The following SCPEP1 variants were observed in gnomAD, a reference collection of about 807,000 sequenced individuals.
SCPEP1 encodes retinoid-inducible serine carboxypeptidase.
A neutral mutation model predicts 63.8 loss-of-function variants in SCPEP1; 51 were observed. That is an observed-to-expected ratio of 0.80 (90% CI 0.64 to 1.01). The LOEUF (loss-of-function observed/expected upper bound fraction) is 1.01. SCPEP1 is among the 50% of genes least tolerant of loss of function. The probability of loss-of-function intolerance (pLI) is 0.00; values close to 1 mark genes in which losing one functional copy is unlikely to be tolerated. For synonymous variants in SCPEP1, 204 were observed against 207.8 expected, an observed-to-expected ratio of 0.98 and a Z score of 0.16; for missense variants, 499 against 554.9, an observed-to-expected ratio of 0.90 and a Z score of 1.01.
At position 56,996,989 on chromosome 17, in the gene SCPEP1, A is replaced by G. The variant is rs1454082464; in HGVS notation, c.814A>G (p.Ile272Val). The G allele has an allele frequency of 1.2e-6, 2 of 1,609,986 alleles. No homozygotes were observed. Among genetic ancestry groups the G allele is most frequent in the Non-Finnish European group, 1.7e-6 (2 of 1,178,096 alleles). Residue 272 changes from isoleucine (I) to valine (V), a missense_variant, in exon 9 of 13, where the codon ATC becomes GTC. By Grantham distance (29) the Ile-to-Val change is conservative. Coordinates refer to ENST00000262288, the MANE Select transcript of SCPEP1 (RefSeq NM_021626.3). The stretch of plus-strand genomic sequence containing the variant: ...CACAGATGGGGTGAACTTCTATAAC[A>G]TCTTAACTAAAAGCACTCCCACGTC... ...QNTDGVNFYN[I>V]LTKSTPTSTM...
chr17:56,978,359 A>AAT, intron 1 of SCPEP1, 124 bp downstream of exon 1: 4 of 1,116,372 alleles, frequency 3.6e-6, no homozygotes, highest in Non-Finnish European at 4.7e-6. Context: ...TTGTGTAATT[A>AAT]TATTGCTTTT....
At chr17:56,995,660 C>T (rs777818869) in intron 8 of SCPEP1, 25 bp downstream of exon 8, 10 of 1,610,128 alleles carry the variant, frequency 6.2e-6, no homozygotes, top group East Asian at 4.5e-5. Context: ...CACTCAGAGG[C>T]GAGCCTGCTT....
intron 7 of SCPEP1, 144 bp from the exon 8 acceptor site, chr17:56,995,363 A>T (rs1179477200): frequency 6.1e-6 from 5 of 814,006 alleles, no homozygotes; most frequent in Middle Eastern, 3.2e-4. Flanking sequence ...TCCAATAAAC[A>T]TGTGGCTTGT....
At chr17:57,005,191 C>T (rs1235711357) in intron 12 of SCPEP1, among the ~76,000 whole-genome samples, 2 of 152,184 alleles carry the variant, frequency 1.3e-5, no homozygotes, top group Non-Finnish European at 2.9e-5. Context: ...CATGGTGGCA[C>T]TCAAAAAGGC....
chr17:56,991,902 C>T (rs776086425), intron 6 of SCPEP1, among the ~76,000 whole-genome samples: 1 of 152,208 alleles, frequency 6.6e-6, no homozygotes, highest in Non-Finnish European at 1.5e-5. Flanking sequence ...AGTGTGACAA[C>T]CAGAAATGTC....
At chr17:56,980,205 A>C (rs1264942917) in intron 1 of SCPEP1, among the ~76,000 whole-genome samples, 2 of 152,032 alleles carry the variant, frequency 1.3e-5, no homozygotes, top group African/African-American at 4.8e-5. Context: ...GCCTCAACCT[A>C]CTGGGCTCAA....
At chr17:56,995,083 C>G in intron 7 of SCPEP1, 65 bp downstream of exon 7, 1 of 1,415,540 alleles carries the variant, frequency 7.1e-7, no homozygotes, top group Non-Finnish European at 1.0e-6. Flanking sequence ...GGCTGTGACC[C>G]CAGGAAAAGA....
At chr17:56,979,017 C>T (rs575323854) in intron 1 of SCPEP1, among the ~76,000 whole-genome samples, 2 of 152,322 alleles carry the variant, frequency 1.3e-5, no homozygotes, top group East Asian at 3.9e-4. Flanking sequence ...CTGTCATTCT[C>T]AAGGGAGCGC....
At chr17:56,978,385 T>A (rs1910978077) in intron 1 of SCPEP1, 150 bp downstream of exon 1, 1 of 1,107,154 alleles carries the variant, frequency 9.0e-7, no homozygotes, top group African/African-American at 1.7e-5. Context: ...TCACTCTTTT[T>A]TTTTTTTTTC....
At chr17:56,979,337 C>T (rs1221453696) in intron 1 of SCPEP1, among the ~76,000 whole-genome samples, 1 of 152,152 alleles carries the variant, frequency 6.6e-6, no homozygotes, top group African/African-American at 2.4e-5. Context: ...CTACTCCTGT[C>T]TCTTTAGCTG....
intron 3 of SCPEP1, among the ~76,000 whole-genome samples, chr17:56,985,833 C>G (rs1191373777): frequency 6.6e-6 from 1 of 152,048 alleles, no homozygotes; most frequent in East Asian, 1.9e-4. Flanking sequence ...TTCTCTCTCT[C>G]CTATCCTCCT....
intron 12 of SCPEP1, among the ~76,000 whole-genome samples, chr17:57,004,734 A>G (rs1911834661): frequency 6.6e-6 from 1 of 152,220 alleles, no homozygotes; most frequent in Non-Finnish European, 1.5e-5. Context: ...TGCATGAAGC[A>G]AAGTTTGTGT....
At chr17:56,979,559 A>T (rs575961101) in intron 1 of SCPEP1, among the ~76,000 whole-genome samples, 2 of 152,198 alleles carry the variant, frequency 1.3e-5, no homozygotes, top group Admixed American at 1.3e-4. Context: ...TGACAAAGAA[A>T]ATGTATTTAG....
intron 5 of SCPEP1, among the ~76,000 whole-genome samples, 186 bp downstream of exon 5, chr17:56,988,476 AC>A (rs533286260): frequency 1.8e-4 from 28 of 152,330 alleles, no homozygotes; most frequent in African/African-American, 6.7e-4. Context: ...TAGATCTGGA[AC>A]AAGATATAAA....
intron 10 of SCPEP1, among the ~76,000 whole-genome samples, chr17:56,999,038 A>G (rs1015949732): frequency 6.6e-6 from 1 of 152,088 alleles, no homozygotes; most frequent in Admixed American, 6.6e-5. Flanking sequence ...ATAATGTGTA[A>G]TTGGTTGTGA....
At chr17:56,988,724 A>G (rs1349617794) in intron 5 of SCPEP1, among the ~76,000 whole-genome samples, 1 of 152,066 alleles carries the variant, frequency 6.6e-6, no homozygotes, top group African/African-American at 2.4e-5. Context: ...TGGAAAATAG[A>G]AAACTTGTAT....
chr17:56,981,240 C>T lies in SCPEP1; in HGVS notation c.225+10C>T. The T allele has an allele frequency of 6.2e-7, 1 of 1,614,008 alleles. No homozygotes were observed. The highest frequency in any genetic ancestry group is 8.5e-7 in the Non-Finnish European group (1 of 1,179,952). On this transcript the variant is annotated intron_variant, in intron 2 of 12. Coordinates refer to ENST00000262288, the MANE Select transcript of SCPEP1 (RefSeq NM_021626.3). Reference sequence around the variant, plus strand: ...GGTCATGTGGCTTCAGGTAAAGTAGCTTCCCAGCCTGGCCTGAGGTCAAAG... The same window carrying T: ...GGTCATGTGGCTTCAGGTAAAGTAGTTTCCCAGCCTGGCCTGAGGTCAAAG...
intron 3 of SCPEP1, 47 bp from the exon 4 acceptor site, chr17:56,987,648 G>T: frequency 6.3e-7 from 1 of 1,588,168 alleles, no homozygotes; most frequent in South Asian, 1.1e-5. Context: ...GATGATTGGT[G>T]ACCAAATGTC....
Position 56,978,194 on chromosome 17 carries a change from G to A in SCPEP1, c.35G>A (p.Arg12Gln). The A allele has an allele frequency of 6.4e-7, 1 of 1,567,524 alleles. No individual in the cohort carries two copies. Among genetic ancestry groups the A allele is most frequent in the Non-Finnish European group, 8.6e-7 (1 of 1,162,030 alleles). Residue 12 changes from arginine (R) to glutamine (Q), a missense_variant, in exon 1 of 13, where the codon CGG becomes CAG. Physicochemically the swap from Arg to Gln is conservative, Grantham distance 43. Transcript: ENST00000262288. ...GCACTGCGGCGCTCTCCCGTCCCGC[G>A]GTGGTTGCTGCTGCTGCCGCTGCTG... ...ELALRRSPVP[R>Q]WLLLLPLLLG... is the part of the protein sequence containing the mutation.
Sources: allele counts gnomAD v4.1 joint callset (sites outside exome capture counted in the v4.1 genomes callset), GRCh38; gene constraint gnomAD v4.1.1; transcripts MANE v1.5; gene names NCBI Gene and HGNC (gene_info 2026-07-23, HGNC 2026-07-21).